The following PSMA5 variants were observed in gnomAD, a reference collection of about 807,000 sequenced individuals.
PSMA5 encodes proteasome subunit alpha type-5.
A neutral mutation model predicts 34.5 loss-of-function variants in PSMA5; 3 were observed. The ratio of observed to expected loss-of-function variants is 0.09; its 90% CI spans 0.04 to 0.22. The LOEUF (loss-of-function observed/expected upper bound fraction) is 0.22, where lower values mean the gene tolerates loss of function less well. PSMA5 is among the 10% of genes least tolerant of loss of function. PSMA5 has a pLI of 1.00. For missense variants in PSMA5, 120 were observed against 286.1 expected, an observed-to-expected ratio of 0.42 and a Z score of 4.19; for synonymous variants, 88 against 95.8, an observed-to-expected ratio of 0.92 and a Z score of 0.47.
chr1:109,412,299 T>C, intron 4 of PSMA5, 115 bp from the exon 5 acceptor site: 1 of 821,402 alleles, frequency 1.2e-6, no homozygotes, highest in Non-Finnish European at 2.0e-6. Flanking sequence ...TCAAATGTGG[T>C]TTTCTTAATT....
chr1:109,408,056 T>A (rs1167512017), intron 8 of PSMA5, among the ~76,000 whole-genome samples: 1 of 152,160 alleles, frequency 6.6e-6, no homozygotes, highest in Non-Finnish European at 1.5e-5. Context: ...GACTTTACAA[T>A]CACTAGGAAA....
chr1:109,408,825 G>A (rs1653887963), intron 8 of PSMA5, among the ~76,000 whole-genome samples: 1 of 151,830 alleles, frequency 6.6e-6, no homozygotes, highest in African/African-American at 2.4e-5. Flanking sequence ...CAAGTAGCTG[G>A]GATTACAGGC....
intron 3 of PSMA5, 118 bp from the exon 4 acceptor site, chr1:109,413,253 C>T (rs1654066700): frequency 2.4e-6 from 2 of 832,152 alleles, no homozygotes; most frequent in Admixed American, 3.9e-5. Context: ...TATCCCATGG[C>T]ATTTTATACC....
intron 3 of PSMA5, among the ~76,000 whole-genome samples, chr1:109,414,538 T>A (rs1467321074): frequency 6.6e-6 from 1 of 152,208 alleles, no homozygotes; most frequent in Non-Finnish European, 1.5e-5. Flanking sequence ...GGCTCTCAAT[T>A]TGTTGAACAC....
chr1:109,426,030 C>T (rs990178994), intron 1 of PSMA5: 12 of 565,730 alleles, frequency 2.1e-5, no homozygotes, highest in Non-Finnish European at 3.2e-5. Flanking sequence ...GGAGTTCCGG[C>T]TCCTCACGCC....
At chr1:109,416,094 A>T (rs1654182716) in intron 2 of PSMA5, among the ~76,000 whole-genome samples, 1 of 152,228 alleles carries the variant, frequency 6.6e-6, no homozygotes, top group Admixed American at 6.5e-5. Context: ...ATTATATATT[A>T]TAAAATGCTT....
rs1188238727 is a variant in PSMA5, at chr1:109,399,828, A to G, written c.*2185T>C. 6.6e-6 allele frequency: 1 copy of G among 152,252 alleles called. No individual in the cohort carries two copies. Among genetic ancestry groups the G allele is most frequent in the Non-Finnish European group, 1.5e-5 (1 of 68,042 alleles). The allele number at this position is 152,252 out of a possible 1,614,324, so 9.4% of individuals were successfully genotyped here. On this transcript the variant is annotated 3_prime_UTR_variant, in exon 9 of 9. Transcript: ENST00000271308. ...GTCTAATGAGATTGACATTAAATAT[A>G]AAAGTGGCACTGTCAGTTCTCCTTT...
intron 1 of PSMA5, among the ~76,000 whole-genome samples, chr1:109,423,545 T>C (rs1276948059): frequency 6.6e-6 from 1 of 152,234 alleles, no homozygotes; most frequent in Admixed American, 6.5e-5. Context: ...CGTTTTCCAG[T>C]TTGAAATATT....
At chr1:109,416,393 C>T (rs1043154350) in intron 2 of PSMA5, among the ~76,000 whole-genome samples, 2 of 152,208 alleles carry the variant, frequency 1.3e-5, no homozygotes, top group African/African-American at 4.8e-5. Context: ...TATAGCCCAG[C>T]CCACTGGCTC....
At chr1:109,418,000 G>A (rs923604326) in intron 2 of PSMA5, among the ~76,000 whole-genome samples, 6 of 152,090 alleles carry the variant, frequency 3.9e-5, no homozygotes, top group Admixed American at 2.0e-4. Context: ...GAGGCAGGAA[G>A]ATCACTTGAG....
chr1:109,409,198 C>T (rs1165334664), intron 8 of PSMA5, among the ~76,000 whole-genome samples: 1 of 152,154 alleles, frequency 6.6e-6, no homozygotes, highest in Non-Finnish European at 1.5e-5. Flanking sequence ...GCTCTATCGC[C>T]CAGGTTGGAG....
At chr1:109,416,714 T>C (rs1376655182) in intron 2 of PSMA5, among the ~76,000 whole-genome samples, 2 of 152,346 alleles carry the variant, frequency 1.3e-5, no homozygotes, top group Middle Eastern at 3.4e-3. Flanking sequence ...TTAGAAGTGT[T>C]ATTAAATGTA....
At chr1:109,421,757 C>T in intron 2 of PSMA5, 103 bp downstream of exon 2, 1 of 933,852 alleles carries the variant, frequency 1.1e-6, no homozygotes, top group East Asian at 2.8e-5. Context: ...GATATAAGAA[C>T]ATTTTCTAAA....
At chr1:109,422,798 G>A (rs1374859124) in intron 1 of PSMA5, among the ~76,000 whole-genome samples, 1 of 152,204 alleles carries the variant, frequency 6.6e-6, no homozygotes, top group Non-Finnish European at 1.5e-5. Flanking sequence ...CTAAAAGTTA[G>A]TCACAGGTAC....
intron 3 of PSMA5, 83 bp downstream of exon 3, chr1:109,415,154 T>C (rs1654140535): frequency 2.7e-6 from 4 of 1,458,594 alleles, no homozygotes; most frequent in Non-Finnish European, 3.7e-6. Context: ...AACGTGTTCA[T>C]TTCATAAACC....
intron 8 of PSMA5, among the ~76,000 whole-genome samples, chr1:109,409,195 C>T (rs920571141): frequency 6.6e-6 from 1 of 152,172 alleles, no homozygotes. Context: ...CTCGCTCTAT[C>T]GCCCAGGTTG....
At chr1:109,412,829 G>A (rs929043649) in intron 4 of PSMA5, 40 of 406,804 alleles carry the variant, frequency 9.8e-5, no homozygotes, top group Admixed American at 1.7e-4. Flanking sequence ...TATAGGCAAA[G>A]CCAAAAAAAA....
rs543294301 is a variant in PSMA5, at chr1:109,409,825, G to C, written c.648+103C>G. On this transcript the variant is annotated intron_variant, in intron 8 of 8. Coordinates refer to ENST00000271308, the MANE Select transcript of PSMA5 (RefSeq NM_002790.4). ...GCTACTCGAGAGGCTGGGGTGGGAG[G>C]ACTACTTGAACTCATGAGTTCAAGA... The C allele has an allele frequency of 2.7e-5, 19 of 712,234 alleles. 1 individual carries two copies. In the South Asian group the frequency reaches 3.2e-4, roughly 12 times the overall value. The allele number at this position is 712,234 out of a possible 1,614,324, so 44.1% of individuals were successfully genotyped here. A position where few individuals can be genotyped will look rare whatever the true frequency, so the allele number is the denominator to read the frequency against.
chr1:109,407,297 C>G (rs1300052295), intron 8 of PSMA5, among the ~76,000 whole-genome samples: 2 of 152,210 alleles, frequency 1.3e-5, no homozygotes, highest in Non-Finnish European at 2.9e-5. Flanking sequence ...GGATATTTTC[C>G]TTTTCTTAGG....
Sources: allele counts gnomAD v4.1 joint callset (sites outside exome capture counted in the v4.1 genomes callset), GRCh38; gene constraint gnomAD v4.1.1; transcripts MANE v1.5; gene names NCBI Gene and HGNC (gene_info 2026-07-23, HGNC 2026-07-21).